ABCB4: variants seen among roughly 807,000 people sequenced by gnomAD.
ABCB4 encodes ATP binding cassette subfamily B member 4, also known as phosphatidylcholine translocator ABCB4.
ABCB4 carries 76 observed loss-of-function variants against 145.7 expected under a neutral mutation model. That is an observed-to-expected ratio of 0.52 (90% CI 0.43 to 0.63). The LOEUF is 0.63. Ranked by LOEUF, ABCB4 falls within the 30% of genes least tolerant of loss-of-function variation. ABCB4 has a pLI of 0.00. For synonymous variants in ABCB4, 517 were observed against 566.8 expected, an observed-to-expected ratio of 0.91 and a Z score of 1.25; for missense variants, 1,234 against 1,553.1, an observed-to-expected ratio of 0.79 and a Z score of 3.45.
chr7:87,390,844 T>A, the ABCB4 span, among the ~76,000 whole-genome samples: 229 of 152,360 alleles, frequency 1.5e-3, no homozygotes, highest in Non-Finnish European at 2.8e-3. Context: ...AAACACATAC[T>A]TTTTTATATC....
the ABCB4 span, chr7:87,392,937 G>T: frequency 6.2e-7 from 1 of 1,613,280 alleles, no homozygotes; most frequent in Non-Finnish European, 8.5e-7. Flanking sequence ...TTCTTTTATT[G>T]TGCCACACAG....
the ABCB4 span, chr7:87,391,833 A>C: frequency 4.1e-6 from 4 of 975,334 alleles, no homozygotes; most frequent in Non-Finnish European, 3.0e-6. Flanking sequence ...ACTTTGAGAC[A>C]TCTTTTCTGA....
At chr7:87,377,389 G>T in the ABCB4 span, 2 of 1,611,584 alleles carry the variant, frequency 1.2e-6, no homozygotes, top group Non-Finnish European at 1.7e-6. Context: ...ACAGTACGCT[G>T]GGGTGACAAA....
At chr7:87,451,013 A>T (rs1449273478) in intron 7 of ABCB4, among the ~76,000 whole-genome samples, 2 of 152,228 alleles carry the variant, frequency 1.3e-5, no homozygotes, top group African/African-American at 4.8e-5. Flanking sequence ...ACAGGTAATG[A>T]TTAAAACAAA....
chr7:87,413,128 A>G (rs143251411), intron 22 of ABCB4, among the ~76,000 whole-genome samples: 1 of 152,356 alleles, frequency 6.6e-6, no homozygotes, highest in African/African-American at 2.4e-5. Flanking sequence ...AGTTTCTTGA[A>G]TTGCTCAACT....
intron 3 of ABCB4, among the ~76,000 whole-genome samples, chr7:87,463,738 A>G (rs1812660803): frequency 6.6e-6 from 1 of 152,220 alleles, no homozygotes; most frequent in Non-Finnish European, 1.5e-5. Context: ...GGTGGGCCAC[A>G]CCAAGAATCT....
downstream of ABCB4, chr7:87,399,368 T>C (rs1807675232): frequency 6.6e-6 from 1 of 152,352 alleles, no homozygotes; most frequent in Non-Finnish European, 1.5e-5. Context: ...TCCAAGCTAC[T>C]TGAAGGCTGA....
intron 20 of ABCB4, 67 bp downstream of exon 20, chr7:87,418,470 G>T: frequency 7.3e-7 from 1 of 1,368,866 alleles, no homozygotes; most frequent in Non-Finnish European, 1.0e-6. Flanking sequence ...AACAAGTGTG[G>T]GTATGCTACA....
At chr7:87,408,387 GTTA>G (rs1808367133) in intron 24 of ABCB4, among the ~76,000 whole-genome samples, 153 bp from the exon 25 acceptor site, 1 of 152,194 alleles carries the variant, frequency 6.6e-6, no homozygotes, top group Non-Finnish European at 1.5e-5. Context: ...TTGATAGCAA[GTTA>G]TTATGGTGTG....
chr7:87,368,002 G>T, the ABCB4 span, among the ~76,000 whole-genome samples: 4 of 152,098 alleles, frequency 2.6e-5, no homozygotes, highest in Admixed American at 6.6e-5. Context: ...CCATCCATTG[G>T]TTTCCTTCCC....
At position 87,469,173 on chromosome 7, in the gene ABCB4, GC is replaced by G. The variant is rs544747826; in HGVS notation, c.135+3447del. On this transcript the variant is annotated intron_variant, in intron 3 of 27. Transcript: ENST00000649586. ...AAAAGGCCTTTGACAAAATTCAACA[GC>G]CATTCATGCTAAAAACTCTCAATAA... 2.8e-4 allele frequency among the ~76,000 whole-genome samples: 43 copies of G among 152,106 alleles called. 1 individual carries two copies. The South Asian group carries it at 8.3e-3, about 29-fold the overall frequency.
chr7:87,369,058 T>A, the ABCB4 span, among the ~76,000 whole-genome samples: 2 of 152,294 alleles, frequency 1.3e-5, no homozygotes, highest in East Asian at 3.9e-4. Context: ...ATTCCACTGG[T>A]CTCCTTCTCC....
At chr7:87,401,434 T>C (rs1170376506), downstream of ABCB4, among the ~76,000 whole-genome samples, 2 of 152,228 alleles carry the variant, frequency 1.3e-5, no homozygotes, top group Non-Finnish European at 2.9e-5. Context: ...GCAGTTGCTA[T>C]AGAAACTCAG....
chr7:87,367,028 T>C, the ABCB4 span, among the ~76,000 whole-genome samples: 7 of 152,202 alleles, frequency 4.6e-5, no homozygotes, highest in Admixed American at 2.0e-4. Context: ...ATCATGACAT[T>C]TACCAGCCTT....
At chr7:87,443,168 G>A in intron 12 of ABCB4, 151 bp downstream of exon 12, 2 of 951,810 alleles carry the variant, frequency 2.1e-6, no homozygotes, top group Non-Finnish European at 3.3e-6. Flanking sequence ...ACCAGCCCAA[G>A]GGTGTGAAGG....
the ABCB4 span, among the ~76,000 whole-genome samples, chr7:87,391,956 G>C: frequency 2.0e-4 from 30 of 152,172 alleles, no homozygotes; most frequent in Non-Finnish European, 3.5e-4. Flanking sequence ...CAGTACTTTA[G>C]GTATTTCAGG....
intron 23 of ABCB4, among the ~76,000 whole-genome samples, chr7:87,409,747 T>C (rs1371575987): frequency 1.3e-5 from 2 of 152,202 alleles, no homozygotes; most frequent in Admixed American, 6.5e-5. Context: ...TTATACTCTT[T>C]TTAGAGTTGA....
chr7:87,395,789 A>G, the ABCB4 span, among the ~76,000 whole-genome samples: 246 of 152,238 alleles, frequency 1.6e-3, no homozygotes, highest in African/African-American at 5.3e-3. Flanking sequence ...AAAATGGTCT[A>G]CTTGCCCCCA....
chr7:87,377,712 C>G, the ABCB4 span, among the ~76,000 whole-genome samples: 1 of 152,032 alleles, frequency 6.6e-6, no homozygotes, highest in African/African-American at 2.4e-5. Flanking sequence ...GCTCTTAAAA[C>G]CCAGTATTAT....
Sources: allele counts gnomAD v4.1 joint callset (sites outside exome capture counted in the v4.1 genomes callset), GRCh38; gene constraint gnomAD v4.1.1; transcripts MANE v1.5; gene names NCBI Gene and HGNC (gene_info 2026-07-23, HGNC 2026-07-21).